GPR158: variants seen among roughly 807,000 people sequenced by gnomAD.
GPR158 encodes metabotropic glycine receptor.
In GPR158, 30 loss-of-function variants were observed where a neutral mutation model predicts 78.2. The observed-to-expected ratio is 0.38, with a 90% CI of 0.29 to 0.52. The LOEUF is 0.52. Among genes scored for constraint, GPR158 ranks in the 20% least tolerant of loss-of-function variants. GPR158 has a pLI of 0.83. For synonymous variants in GPR158, 581 were observed against 591.1 expected, an observed-to-expected ratio of 0.98 and a Z score of 0.25; for missense variants, 1,463 against 1,523.5, an observed-to-expected ratio of 0.96 and a Z score of 0.66.
intron 2 of GPR158, among the ~76,000 whole-genome samples, chr10:25,378,204 A>C (rs1332538138): frequency 6.6e-6 from 1 of 152,176 alleles, no homozygotes; most frequent in Non-Finnish European, 1.5e-5. Flanking sequence ...TACGAGCAAA[A>C]TTCAATTTTG....
chr10:25,279,623 T>C (rs958385944), intron 2 of GPR158, among the ~76,000 whole-genome samples: 1 of 152,228 alleles, frequency 6.6e-6, no homozygotes, highest in African/African-American at 2.4e-5. Context: ...GCATGTTTTA[T>C]GACTTGAGTT....
At chr10:25,177,044 G>T (rs1852547008) in intron 1 of GPR158, among the ~76,000 whole-genome samples, 1 of 151,922 alleles carries the variant, frequency 6.6e-6, no homozygotes, top group Non-Finnish European at 1.5e-5. Context: ...CATACTTAAG[G>T]GTTCTCCAGC....
intron 4 of GPR158, among the ~76,000 whole-genome samples, chr10:25,456,314 A>G (rs1835290746): frequency 6.6e-6 from 1 of 152,220 alleles, no homozygotes. Context: ...GGAACATAAC[A>G]AGTCCTGGAA....
chr10:25,467,210 A>G (rs1442606253), intron 5 of GPR158, among the ~76,000 whole-genome samples: 1 of 152,208 alleles, frequency 6.6e-6, no homozygotes, highest in Non-Finnish European at 1.5e-5. Flanking sequence ...GAATCTGTCT[A>G]AAGACCTGGG....
At chr10:25,534,327 T>C (rs574460836) in intron 5 of GPR158, among the ~76,000 whole-genome samples, 38 of 152,200 alleles carry the variant, frequency 2.5e-4, no homozygotes, top group African/African-American at 8.7e-4. Flanking sequence ...AATTTAAACA[T>C]AGACATATGT....
chr10:25,332,630 G>A (rs1855142653), intron 2 of GPR158, among the ~76,000 whole-genome samples: 1 of 152,122 alleles, frequency 6.6e-6, no homozygotes, highest in African/African-American at 2.4e-5. Context: ...GAGAAACTTA[G>A]CCATACTTTC....
At chr10:25,506,746 A>C (rs1335981353) in intron 5 of GPR158, among the ~76,000 whole-genome samples, 2 of 152,258 alleles carry the variant, frequency 1.3e-5, no homozygotes, top group Non-Finnish European at 2.9e-5. Context: ...ATGAGTATGC[A>C]GTACTCTGAT....
intron 2 of GPR158, among the ~76,000 whole-genome samples, chr10:25,308,777 T>G (rs1487957475): frequency 6.6e-6 from 1 of 152,200 alleles, no homozygotes; most frequent in African/African-American, 2.4e-5. Context: ...TTTTGACTGC[T>G]TTACATACCT....
At chr10:25,553,947 A>C (rs1836756611) in intron 6 of GPR158, among the ~76,000 whole-genome samples, 1 of 152,194 alleles carries the variant, frequency 6.6e-6, no homozygotes, top group Non-Finnish European at 1.5e-5. Context: ...TATAATTTGA[A>C]TGTAGGTAAA....
intron 5 of GPR158, among the ~76,000 whole-genome samples, chr10:25,516,467 A>T (rs1176881351): frequency 5.3e-5 from 8 of 151,398 alleles, no homozygotes; most frequent in South Asian, 2.1e-4. Context: ...CTGAATGGTA[A>T]TGCCTAGGTT....
At chr10:25,432,614 T>A (rs1834927441) in intron 4 of GPR158, among the ~76,000 whole-genome samples, 1 of 152,176 alleles carries the variant, frequency 6.6e-6, no homozygotes, top group African/African-American at 2.4e-5. Context: ...GGGTGAAATG[T>A]TTTTAATGTA....
chr10:25,389,658 G>A lies in GPR158; in HGVS notation c.1009-6253G>A, dbSNP rs60296531. The stretch of plus-strand genomic sequence containing the variant: ...TGTAACACAAACAGGGCTGAAACAC[G>A]CCCCTTGCATGCCATATTGTGGGTG... On this transcript the variant is annotated intron_variant, in intron 2 of 10. Coordinates refer to ENST00000376351, the MANE Select transcript of GPR158 (RefSeq NM_020752.3). Among the ~76,000 whole-genome samples, 1,364 of 152,260 alleles carry A rather than the reference G, an allele frequency of 9.0e-3. 24 individuals carry two copies. The highest frequency in any genetic ancestry group is 0.031 in the African/African-American group (1,288 of 41,536).
At position 25,395,976 on chromosome 10, in the gene GPR158, C is replaced by A; in HGVS notation, c.1074C>A (p.Phe358Leu). ...GAYECICKAG[F>L]YHPGVLPVNN... Reference sequence around the variant, plus strand: ...ATGAGTGCATTTGCAAAGCAGGATTCTATCATCCTGGAGTCTTACCAGTGA... The same window carrying A: ...ATGAGTGCATTTGCAAAGCAGGATTATATCATCCTGGAGTCTTACCAGTGA... The change falls in exon 3 of 11, where the codon TTC (phenylalanine) becomes TTA (leucine). Residue 358 changes from phenylalanine (F) to leucine (L), a missense_variant. Transcript: ENST00000376351. 1 of 1,607,118 alleles carries A rather than the reference C, an allele frequency of 6.2e-7. No homozygotes were observed. The highest frequency in any genetic ancestry group is 8.5e-7 in the Non-Finnish European group (1 of 1,173,774).
At chr10:25,316,688 G>C (rs1000661386) in intron 2 of GPR158, among the ~76,000 whole-genome samples, 1 of 152,110 alleles carries the variant, frequency 6.6e-6, no homozygotes, top group Non-Finnish European at 1.5e-5. Flanking sequence ...TTTTGAACAA[G>C]TTGTGCGATT....
At chr10:25,290,942 AATT>A (rs1403252875) in intron 2 of GPR158, among the ~76,000 whole-genome samples, 1 of 152,066 alleles carries the variant, frequency 6.6e-6, no homozygotes, top group Non-Finnish European at 1.5e-5. Context: ...AATTTAACCA[AATT>A]ATTTAAAAAT....
intron 2 of GPR158, among the ~76,000 whole-genome samples, chr10:25,238,081 T>TC (rs377099432): frequency 4.6e-5 from 7 of 152,142 alleles, no homozygotes; most frequent in African/African-American, 1.7e-4. Flanking sequence ...TCTTCCTTCT[T>TC]TTTCTTTTTT....
intron 2 of GPR158, among the ~76,000 whole-genome samples, chr10:25,314,890 T>C (rs1036125524): frequency 5.9e-5 from 6 of 102,452 alleles, no homozygotes; most frequent in African/African-American, 2.3e-4. Flanking sequence ...TATATATGAC[T>C]AATGAGTTTA....
Position 25,551,066 on chromosome 10 carries a change from G to A in GPR158, c.1495G>A (p.Val499Ile), listed in dbSNP as rs1387638397. The change falls in exon 6 of 11, where the codon GTC becomes ATC. Residue 499 changes from valine (V) to isoleucine (I), a missense_variant. Coordinates refer to ENST00000376351, the MANE Select transcript of GPR158 (RefSeq NM_020752.3). ...CGGTTTTGCTACTGTTTACGGAACTGTCACTCTCAAACTTCACAGGTATAT... is the reference window on the plus strand; with the variant it reads ...CGGTTTTGCTACTGTTTACGGAACTATCACTCTCAAACTTCACAGGTATAT... ...LLGFATVYGT[V>I]TLKLHRVLKV... 6 of 1,583,838 alleles carry A rather than the reference G, an allele frequency of 3.8e-6. No homozygotes were observed. In the South Asian group the frequency reaches 5.5e-5, roughly 15 times the overall value.
At chr10:25,433,650 T>G (rs11014552) in intron 4 of GPR158, among the ~76,000 whole-genome samples, 97,313 of 140,372 alleles carry the variant, frequency 0.69, 35,184 homozygotes, top group Non-Finnish European at 0.8. Flanking sequence ...GGGGAGAAAA[T>G]TAGTTTATCT....
Sources: gnomAD v4.1 joint callset for allele counts (sites outside exome capture counted in the v4.1 genomes callset) on GRCh38, gnomAD v4.1.1 for gene constraint, MANE v1.5 for transcripts, NCBI Gene and HGNC (gene_info 2026-07-23, HGNC 2026-07-21) for gene names.